The following ADCY2 variants were observed in gnomAD, a reference collection of about 807,000 sequenced individuals.
The protein encoded by ADCY2 is adenylate cyclase 2.
ADCY2 carries 31 observed loss-of-function variants against 125.2 expected under a neutral mutation model. The observed-to-expected ratio is 0.25, with a 90% CI of 0.19 to 0.33. The LOEUF is 0.33. Among genes scored for constraint, ADCY2 ranks in the 10% least tolerant of loss-of-function variants. ADCY2 has a pLI of 1.00. For synonymous variants in ADCY2, 512 were observed against 548.4 expected (o/e 0.93, Z 0.93); for missense variants, 904 against 1,418.2 (o/e 0.64, Z 5.82).
chr5:7,685,080 G>T (rs543343740), intron 4 of ADCY2: 1 of 152,242 alleles, frequency 6.6e-6, no homozygotes, highest in Non-Finnish European at 1.5e-5. Flanking sequence ...ACACTGCAAG[G>T]AACATACGAC....
At chr5:7,615,068 G>GGA (rs886996352) in intron 3 of ADCY2, among the ~76,000 whole-genome samples, 3 of 151,928 alleles carry the variant, frequency 2.0e-5, no homozygotes, top group African/African-American at 4.8e-5. Context: ...TAGTGGAGCA[G>GGA]GAGAGAGAGA....
intron 1 of ADCY2, among the ~76,000 whole-genome samples, chr5:7,401,839 A>G (rs577355597): frequency 9.2e-5 from 14 of 152,224 alleles, no homozygotes; most frequent in Non-Finnish European, 1.6e-4. Flanking sequence ...TGTGTGTGAT[A>G]TATTTCATGA....
intron 3 of ADCY2, among the ~76,000 whole-genome samples, chr5:7,593,994 G>A (rs1191028304): frequency 1.3e-5 from 2 of 152,186 alleles, no homozygotes; most frequent in African/African-American, 4.8e-5. Flanking sequence ...ACAAGAAAAA[G>A]CAAGCCAGCC....
intron 4 of ADCY2, among the ~76,000 whole-genome samples, chr5:7,672,175 G>A (rs1739958483): frequency 6.6e-6 from 1 of 152,152 alleles, no homozygotes; most frequent in Non-Finnish European, 1.5e-5. Flanking sequence ...TGAGAACTCA[G>A]TGATAACTTA....
rs1374552686 is a variant in ADCY2, at chr5:7,786,152, T to C, written c.2469+1703T>C. 2.6e-5 allele frequency among the ~76,000 whole-genome samples: 4 copies of C among 152,162 alleles called. No homozygotes were observed. In the East Asian group the frequency reaches 7.7e-4, roughly 29 times the overall value. ...TTCATAACCATTCTTTAACACCAGC[T>C]ATAAATCACCGAATCTATATAAGAC... On this transcript the variant is annotated intron_variant, in intron 19 of 24. Transcript: ENST00000338316.
chr5:7,732,943 C>G (rs111613195), intron 14 of ADCY2, among the ~76,000 whole-genome samples: 8 of 152,314 alleles, frequency 5.3e-5, no homozygotes, highest in African/African-American at 1.9e-4. Context: ...GAGCTGCTCT[C>G]TCACTCTGTC....
chr5:7,779,939 CGT>C (rs1232374889), intron 18 of ADCY2, among the ~76,000 whole-genome samples: 1 of 152,138 alleles, frequency 6.6e-6, no homozygotes, highest in Non-Finnish European at 1.5e-5. Flanking sequence ...TGATACGGAG[CGT>C]GGGAACCCTG....
intron 3 of ADCY2, among the ~76,000 whole-genome samples, chr5:7,596,971 G>A (rs552296184): frequency 2.0e-4 from 30 of 152,188 alleles, no homozygotes; most frequent in Non-Finnish European, 4.1e-4. Context: ...GTAAGAAAGG[G>A]AGTCCAGGAA....
At chr5:7,464,880 T>A (rs1221777797) in intron 2 of ADCY2, among the ~76,000 whole-genome samples, 1 of 152,180 alleles carries the variant, frequency 6.6e-6, no homozygotes, top group African/African-American at 2.4e-5. Flanking sequence ...CATTTTCACA[T>A]TGCTGATAAA....
chr5:7,608,517 A>C (rs565194485), intron 3 of ADCY2, among the ~76,000 whole-genome samples: 8 of 152,276 alleles, frequency 5.3e-5, no homozygotes, highest in Admixed American at 4.6e-4. Flanking sequence ...AGGAGGTTGC[A>C]GTGAGCTGAG....
At chr5:7,710,533 G>A (rs1741406706) in intron 10 of ADCY2, among the ~76,000 whole-genome samples, 1 of 152,198 alleles carries the variant, frequency 6.6e-6, no homozygotes, top group African/African-American at 2.4e-5. Context: ...GGAGAAATGA[G>A]TGAATAGGAA....
At chr5:7,449,142 G>GT (rs890591372) in intron 2 of ADCY2, among the ~76,000 whole-genome samples, 6 of 152,118 alleles carry the variant, frequency 3.9e-5, no homozygotes, top group Admixed American at 3.3e-4. Context: ...AGCATCTGTT[G>GT]TTTTTTGACT....
intron 4 of ADCY2, among the ~76,000 whole-genome samples, chr5:7,663,700 C>T (rs1739615654): frequency 6.6e-6 from 1 of 152,138 alleles, no homozygotes; most frequent in African/African-American, 2.4e-5. Flanking sequence ...ATAGATGGAC[C>T]GCTGCATGAG....
At chr5:7,647,444 G>A (rs1738938780) in intron 4 of ADCY2, among the ~76,000 whole-genome samples, 1 of 152,158 alleles carries the variant, frequency 6.6e-6, no homozygotes, top group Admixed American at 6.5e-5. Context: ...CCAGCACACA[G>A]TGCATGTGGG....
chr5:7,551,284 C>G (rs1313490963), intron 3 of ADCY2, among the ~76,000 whole-genome samples: 1 of 152,082 alleles, frequency 6.6e-6, no homozygotes, highest in Non-Finnish European at 1.5e-5. Flanking sequence ...GAGTTCATGA[C>G]AGTTAGGATT....
intron 3 of ADCY2, among the ~76,000 whole-genome samples, chr5:7,566,786 T>A (rs962979095): frequency 4.6e-5 from 7 of 152,138 alleles, no homozygotes; most frequent in African/African-American, 1.4e-4. Context: ...AACTGTATGG[T>A]TGTCCACATG....
chr5:7,419,300 A>G (rs1332033664), intron 2 of ADCY2, among the ~76,000 whole-genome samples: 1 of 152,146 alleles, frequency 6.6e-6, no homozygotes, highest in Admixed American at 6.5e-5. Context: ...CGCTGTGATT[A>G]GGGATTGCTA....
chr5:7,432,293 G>A (rs1579437919), intron 2 of ADCY2, among the ~76,000 whole-genome samples: 1 of 152,014 alleles, frequency 6.6e-6, no homozygotes, highest in Non-Finnish European at 1.5e-5. Context: ...CCTGGGCACT[G>A]GACAAGAATG....
intron 4 of ADCY2, among the ~76,000 whole-genome samples, chr5:7,635,922 G>A (rs959885628): frequency 3.3e-5 from 5 of 152,178 alleles, no homozygotes; most frequent in African/African-American, 9.6e-5. Context: ...TGTGGTTGTG[G>A]GTTTTTCCCA....
Sources: allele counts gnomAD v4.1 joint callset (sites outside exome capture counted in the v4.1 genomes callset), GRCh38; gene constraint gnomAD v4.1.1; transcripts MANE v1.5; gene names NCBI Gene and HGNC (gene_info 2026-07-23, HGNC 2026-07-21).